The following ARHGAP24 variants were observed in gnomAD, a reference collection of about 807,000 sequenced individuals.
ARHGAP24 encodes rho GTPase-activating protein 24.
Under a neutral mutation model 76.4 loss-of-function variants are expected in ARHGAP24, and 50 were observed. The ratio of observed to expected loss-of-function variants is 0.65; its 90% CI spans 0.52 to 0.83. ARHGAP24 has a LOEUF of 0.83. Ranked by LOEUF, ARHGAP24 falls within the 40% of genes least tolerant of loss-of-function variation. The pLI is 0.00. For synonymous variants in ARHGAP24, 345 were observed against 323.3 expected (o/e 1.07, Z -0.72); for missense variants, 930 against 914.2 (o/e 1.02, Z -0.22).
chr4:85,757,619 A>G (rs1437637860), intron 3 of ARHGAP24, among the ~76,000 whole-genome samples: 109 of 152,310 alleles, frequency 7.2e-4, no homozygotes, highest in Non-Finnish European at 4.1e-4. Flanking sequence ...CCTATCATTA[A>G]TGGACATTTG....
chr4:85,702,921 G>C (rs1277861466), intron 2 of ARHGAP24, among the ~76,000 whole-genome samples: 2 of 151,942 alleles, frequency 1.3e-5, no homozygotes, highest in East Asian at 1.9e-4. Context: ...GACAGGGAAG[G>C]CTCTTTGTGG....
chr4:85,956,904 A>G (rs1737947158), intron 5 of ARHGAP24, among the ~76,000 whole-genome samples: 2 of 152,156 alleles, frequency 1.3e-5, no homozygotes, highest in Non-Finnish European at 2.9e-5. Context: ...GAGCTCCCAT[A>G]CAAAGGGAGG....
At chr4:85,874,801 AT>A (rs1215300147) in intron 3 of ARHGAP24, among the ~76,000 whole-genome samples, 2 of 21,606 alleles carry the variant, frequency 9.3e-5, no homozygotes, top group Non-Finnish European at 1.7e-4. Flanking sequence ...TAATTTATAT[AT>A]AAAATATATT....
chr4:85,809,078 G>A (rs569613007), intron 3 of ARHGAP24, among the ~76,000 whole-genome samples: 1 of 152,222 alleles, frequency 6.6e-6, no homozygotes, highest in South Asian at 2.1e-4. Context: ...AAAGTTTTAG[G>A]TAAACAAGGG....
In ARHGAP24 at chr4:85,753,844, G is replaced by A. The variant is rs73833234; in HGVS notation, c.268+31872G>A. ...TCAATACCTATATACAATGTGTTAT[G>A]ATCAAATCAGGGAAATCAGGAGAGC... On this transcript the variant is annotated intron_variant, in intron 3 of 9. Transcript: ENST00000395184. Among the ~76,000 whole-genome samples, 1,518 of 152,198 alleles carry A rather than the reference G, an allele frequency of 1.0e-2. 26 individuals are homozygous for A. Among genetic ancestry groups the A allele is most frequent in the African/African-American group, 0.034 (1,416 of 41,526 alleles).
chr4:85,606,235 C>A (rs545954434), intron 2 of ARHGAP24, among the ~76,000 whole-genome samples: 1 of 152,258 alleles, frequency 6.6e-6, no homozygotes, highest in Non-Finnish European at 1.5e-5. Flanking sequence ...TAGGCCAGGC[C>A]GGGCGCGGTG....
intron 3 of ARHGAP24, among the ~76,000 whole-genome samples, chr4:85,740,326 G>A (rs560802869): frequency 9.3e-4 from 141 of 151,252 alleles, no homozygotes; most frequent in African/African-American, 3.1e-3. Flanking sequence ...GGGTTCAGGC[G>A]ATTCTCCTGC....
intron 3 of ARHGAP24, among the ~76,000 whole-genome samples, chr4:85,743,201 G>A (rs1257711194): frequency 2.0e-5 from 3 of 151,740 alleles, no homozygotes; most frequent in East Asian, 1.9e-4. Context: ...ACTTAAGTGG[G>A]AGCTAGAGCA....
chr4:85,848,052 T>C (rs1049596502), intron 3 of ARHGAP24, among the ~76,000 whole-genome samples: 1 of 152,100 alleles, frequency 6.6e-6, no homozygotes, highest in Non-Finnish European at 1.5e-5. Flanking sequence ...TTCTCCCCCT[T>C]TCACCACACA....
At chr4:85,948,156 T>C (rs1737400299) in intron 5 of ARHGAP24, among the ~76,000 whole-genome samples, 1 of 152,118 alleles carries the variant, frequency 6.6e-6, no homozygotes, top group Non-Finnish European at 1.5e-5. Flanking sequence ...TTACATCTCT[T>C]ATTCTATAAA....
intron 1 of ARHGAP24, among the ~76,000 whole-genome samples, chr4:85,537,143 C>T (rs765192036): frequency 3.9e-5 from 6 of 152,082 alleles, no homozygotes; most frequent in Non-Finnish European, 7.4e-5. Flanking sequence ...TTATCATTCA[C>T]ACTTCAATCA....
At chr4:85,773,491 C>T (rs1302980092) in intron 3 of ARHGAP24, among the ~76,000 whole-genome samples, 1 of 151,982 alleles carries the variant, frequency 6.6e-6, no homozygotes, top group Non-Finnish European at 1.5e-5. Flanking sequence ...GAATGTTAAT[C>T]CTCTCCTTCT....
chr4:85,822,502 A>G (rs570320576), intron 3 of ARHGAP24, among the ~76,000 whole-genome samples: 2 of 152,186 alleles, frequency 1.3e-5, no homozygotes, highest in Admixed American at 6.5e-5. Flanking sequence ...ACAAAAATAC[A>G]AAATAAGACA....
At chr4:85,564,195 ATGT>A (rs1479948779) in intron 1 of ARHGAP24, among the ~76,000 whole-genome samples, 5 of 152,278 alleles carry the variant, frequency 3.3e-5, no homozygotes, top group Non-Finnish European at 5.9e-5. Flanking sequence ...GTCGTTAAAG[ATGT>A]TGTTCTTGCG....
chr4:85,982,822 T>C (rs1201749182), intron 8 of ARHGAP24, among the ~76,000 whole-genome samples: 2 of 152,168 alleles, frequency 1.3e-5, no homozygotes, highest in East Asian at 3.8e-4. Context: ...GTTTGTTACA[T>C]AGGTAAACAT....
chr4:85,930,370 T>G, intron 4 of ARHGAP24: 2 of 986,738 alleles, frequency 2.0e-6, no homozygotes, highest in Non-Finnish European at 2.4e-6. Context: ...TTGAAAGAAA[T>G]CTATCATGCA....
At chr4:85,872,094 T>A (rs1263549973) in intron 3 of ARHGAP24, among the ~76,000 whole-genome samples, 1 of 151,834 alleles carries the variant, frequency 6.6e-6, no homozygotes, top group Admixed American at 6.6e-5. Flanking sequence ...TTACTCAAAA[T>A]TTCAAACAGG....
At chr4:85,535,596 ATGT>A (rs1196557122) in intron 1 of ARHGAP24, among the ~76,000 whole-genome samples, 4 of 152,168 alleles carry the variant, frequency 2.6e-5, no homozygotes, top group African/African-American at 4.8e-5. Context: ...TCCAAAGCAA[ATGT>A]TGTCCCATCT....
At chr4:85,581,035 G>T (rs1727588431) in intron 2 of ARHGAP24, among the ~76,000 whole-genome samples, 1 of 151,960 alleles carries the variant, frequency 6.6e-6, no homozygotes, top group Non-Finnish European at 1.5e-5. Context: ...CAGATAAGTG[G>T]AACTAATATT....
Sources: gnomAD v4.1 joint callset for allele counts (sites outside exome capture counted in the v4.1 genomes callset) on GRCh38, gnomAD v4.1.1 for gene constraint, MANE v1.5 for transcripts, NCBI Gene and HGNC (gene_info 2026-07-23, HGNC 2026-07-21) for gene names.